SOD2: variants seen among roughly 807,000 people sequenced by gnomAD.
SOD2 encodes the protein superoxide dismutase [Mn], mitochondrial.
In SOD2, 11 loss-of-function variants were observed where a neutral mutation model predicts 27.0. That is an observed-to-expected ratio of 0.41 (90% CI 0.26 to 0.67). The LOEUF is 0.67. Among genes scored for constraint, SOD2 ranks in the 30% least tolerant of loss-of-function variants. The probability of loss-of-function intolerance (pLI) is 0.34; values close to 1 mark genes in which losing one functional copy is unlikely to be tolerated. For synonymous variants in SOD2, 105 were observed against 103.0 expected, an observed-to-expected ratio of 1.02 and a Z score of -0.12; for missense variants, 250 against 274.5, an observed-to-expected ratio of 0.91 and a Z score of 0.63.
chr6:159,744,511 A>T (rs1229286055), intron 1 of SOD2, among the ~76,000 whole-genome samples: 6 of 127,254 alleles, frequency 4.7e-5, no homozygotes, highest in African/African-American at 1.8e-4. Context: ...GACACCAAAA[A>T]TCTATGGGCA....
chr6:159,731,634 GTC>G (rs1778576319), upstream of SOD2, among the ~76,000 whole-genome samples: 1 of 152,214 alleles, frequency 6.6e-6, no homozygotes, highest in African/African-American at 2.4e-5. Flanking sequence ...GAAACACTGA[GTC>G]TGTGTTTTTG....
At chr6:159,726,698 C>CGCCGCGGACACAGCGCA (rs1421380919) in intron 1 of SOD2, 1 of 1,168,920 alleles carries the variant, frequency 8.6e-7, no homozygotes, top group Admixed American at 2.7e-5. Context: ...GGGCCCTCAA[C>CGCCGCGGACACAGCGCA]GCCGCGGACA....
chr6:159,731,216 C>G (rs1003894489), upstream of SOD2, among the ~76,000 whole-genome samples: 5 of 151,872 alleles, frequency 3.3e-5, no homozygotes, highest in African/African-American at 1.2e-4. Flanking sequence ...AGTCCCAGCA[C>G]TTTTGGAGGC....
intron 1 of SOD2, chr6:159,713,236 G>A (rs764063096): frequency 2.2e-5 from 17 of 773,960 alleles, no homozygotes; most frequent in Admixed American, 6.9e-5. Context: ...CAGACCTAAA[G>A]CCATATCCAT....
chr6:159,736,138 T>C, intron 1 of SOD2: 1 of 1,017,238 alleles, frequency 9.8e-7, no homozygotes, highest in Admixed American at 2.5e-5. Flanking sequence ...ATTTAAATTC[T>C]AATTATTCAA....
At chr6:159,692,925 C>A (rs950692348) in intron 1 of SOD2, 62 bp from the exon 2 acceptor site, 1 of 1,442,000 alleles carries the variant, frequency 6.9e-7, no homozygotes, top group East Asian at 2.6e-5. Context: ...GCAGGCTGGG[C>A]TGCCGAGGAA....
intron 1 of SOD2, chr6:159,754,975 A>G: frequency 6.7e-7 from 1 of 1,489,194 alleles, no homozygotes; most frequent in Non-Finnish European, 9.0e-7. Context: ...CTAAAGAAAC[A>G]TTTTTCAATG....
At chr6:159,711,823 C>G (rs1402020707) in intron 1 of SOD2, among the ~76,000 whole-genome samples, 1 of 127,248 alleles carries the variant, frequency 7.9e-6, no homozygotes, top group Non-Finnish European at 1.7e-5. Flanking sequence ...TCCATAACCA[C>G]CACTCAGCTG....
In SOD2 at chr6:159,669,361, T is replaced by C. The variant is rs1319411050; in HGVS notation, c.*13132A>G. ...AAGTGCAATTTAAATCCAATATTTATTGGTTTTATGTCTAGAAAATCTGTC... is the reference window on the plus strand; with the variant it reads ...AAGTGCAATTTAAATCCAATATTTACTGGTTTTATGTCTAGAAAATCTGTC... On this transcript the variant is annotated 3_prime_UTR_variant, in exon 5 of 5. Transcript: ENST00000538183. The C allele has an allele frequency of 6.6e-6, 1 of 152,246 alleles. No individual in the cohort carries two copies. The highest frequency in any genetic ancestry group is 6.5e-5 in the Admixed American group (1 of 15,288). 9.4% of individuals were successfully genotyped at this position (152,246 alleles called of 1,614,324 possible).
intron 3 of SOD2, among the ~76,000 whole-genome samples, 186 bp from the exon 4 acceptor site, chr6:159,685,219 C>CA (rs1780130398): frequency 1.4e-5 from 1 of 73,912 alleles, no homozygotes; most frequent in Non-Finnish European, 2.4e-5. Flanking sequence ...ATAACTTCAA[C>CA]TTTTTTTTTT....
upstream of SOD2, chr6:159,727,716 C>G (rs1420180948): frequency 2.0e-6 from 2 of 983,674 alleles, no homozygotes; most frequent in Non-Finnish European, 2.4e-6. Context: ...AGGCGCGGGC[C>G]GGCTGGCGGG....
At position 159,680,252 on chromosome 6, in the gene SOD2, C is replaced by T. The variant is rs1448974706; in HGVS notation, c.*2241G>A. ...TCAAAAGCTCATCTTTCAAAAGGTT[C>T]CACCTTGCCCGTCTATTTAAACAGT... On this transcript the variant is annotated 3_prime_UTR_variant, in exon 5 of 5. Transcript: ENST00000538183. 6.6e-6 allele frequency: 1 copy of T among 152,190 alleles called. No homozygotes were observed. The highest frequency in any genetic ancestry group is 1.5e-5 in the Non-Finnish European group (1 of 68,030). The allele number at this position is 152,190 out of a possible 1,614,324, so 9.4% of individuals were successfully genotyped here.
chr6:159,752,673 T>G (rs980677062), intron 1 of SOD2, among the ~76,000 whole-genome samples: 2 of 152,328 alleles, frequency 1.3e-5, no homozygotes, highest in Non-Finnish European at 2.9e-5. Flanking sequence ...AAAAAAACCT[T>G]AACTGCTGAA....
rs2114769352 is a variant in SOD2, at chr6:159,684,868, A to G, written c.509T>C (p.Leu170Pro). 1 of 1,612,304 alleles carries G rather than the reference A, an allele frequency of 6.2e-7. No homozygotes were observed. The highest frequency in any genetic ancestry group is 8.5e-7 in the Non-Finnish European group (1 of 1,179,100). ...QIAACPNQDP[L>P]QGTTGLIPLL... ...TTAAATCTAACCTGTTGTTCCTTGC[A>G]GTGGATCCTGATTTGGACAAGCAGC... The change falls in exon 4 of 5, where the codon CTG becomes CCG. Residue 170 changes from leucine to proline, a missense_variant. Transcript: ENST00000538183.
intron 1 of SOD2, chr6:159,755,291 G>A: frequency 6.2e-7 from 1 of 1,614,212 alleles, no homozygotes; most frequent in Non-Finnish European, 8.5e-7. Context: ...GTCTGGGTCT[G>A]GATTTCACAG....
intron 3 of SOD2, among the ~76,000 whole-genome samples, chr6:159,687,147 C>T (rs146775800): frequency 9.0e-4 from 137 of 152,252 alleles, no homozygotes; most frequent in Non-Finnish European, 9.1e-4. Context: ...AAGGTACAGA[C>T]GGTTAACTAT....
At chr6:159,721,832 T>A (rs1778048338) in intron 1 of SOD2, among the ~76,000 whole-genome samples, 1 of 152,068 alleles carries the variant, frequency 6.6e-6, no homozygotes, top group Non-Finnish European at 1.5e-5. Flanking sequence ...GCCTGTAATT[T>A]CTTTTACAAT....
chr6:159,751,203 G>A (rs556158797), intron 1 of SOD2, among the ~76,000 whole-genome samples: 3 of 152,262 alleles, frequency 2.0e-5, no homozygotes, highest in African/African-American at 4.8e-5. Context: ...CTAATCACTA[G>A]TTTTAAACGT....
In SOD2 at chr6:159,678,020, A is replaced by G. The variant is rs1779816872; in HGVS notation, c.*4473T>C. 6.6e-6 allele frequency: 1 copy of G among 152,124 alleles called. No individual in the cohort carries two copies. The highest frequency in any genetic ancestry group is 1.5e-5 in the Non-Finnish European group (1 of 68,028). The allele number at this position is 152,124 out of a possible 1,614,324, so 9.4% of individuals were successfully genotyped here. On this transcript the variant is annotated 3_prime_UTR_variant, in exon 5 of 5. Coordinates refer to ENST00000538183, the MANE Select transcript of SOD2 (RefSeq NM_000636.4). ...CTCCCAGCCTCAACCCCCAACCTCC[A>G]GAAAGGGGAGAGAGGCTGAAGGTTG...
Sources: gnomAD v4.1 joint callset for allele counts (sites outside exome capture counted in the v4.1 genomes callset) on GRCh38, gnomAD v4.1.1 for gene constraint, MANE v1.5 for transcripts, NCBI Gene and HGNC (gene_info 2026-07-23, HGNC 2026-07-21) for gene names.